The following STK3 variants were observed in gnomAD, a reference collection of about 807,000 sequenced individuals.
The protein encoded by STK3 is serine/threonine kinase 3.
STK3 carries 41 observed loss-of-function variants against 58.0 expected under a neutral mutation model. The observed-to-expected ratio is 0.71, with a 90% CI of 0.55 to 0.92. The LOEUF (loss-of-function observed/expected upper bound fraction) is 0.92, where lower values mean the gene tolerates loss of function less well. Among genes scored for constraint, STK3 ranks in the 40% least tolerant of loss-of-function variants. The pLI is 0.00. For synonymous variants in STK3, 170 were observed against 191.0 expected (o/e 0.89, Z 0.91); for missense variants, 479 against 602.7 (o/e 0.79, Z 2.15).
intron 6 of STK3, 64 bp from the exon 7 acceptor site, chr8:98,596,233 C>T: frequency 6.7e-7 from 1 of 1,498,356 alleles, no homozygotes; most frequent in Non-Finnish European, 9.0e-7. Flanking sequence ...ATAAACAAAT[C>T]TCTTTATCTG....
downstream of STK3, among the ~76,000 whole-genome samples, chr8:98,451,131 TG>T (rs961088892): frequency 3.9e-5 from 6 of 152,264 alleles, no homozygotes; most frequent in Middle Eastern, 3.4e-3. Context: ...TTATTATTGT[TG>T]TTATGGTGAT....
At chr8:98,358,913 C>A in the STK3 span, among the ~76,000 whole-genome samples, 206 of 152,190 alleles carry the variant, frequency 1.4e-3, no homozygotes, top group Non-Finnish European at 1.8e-3. Context: ...AAAGCAGAGC[C>A]ACCCCTGAGC....
intron 1 of STK3, among the ~76,000 whole-genome samples, chr8:98,928,707 G>C (rs1036153161): frequency 2.0e-5 from 3 of 152,148 alleles, no homozygotes; most frequent in Admixed American, 1.3e-4. Flanking sequence ...GCTTTCCAAA[G>C]ATTCTACAAT....
At chr8:98,633,446 ATTAT>A (rs1819401887) in intron 6 of STK3, 1 of 514,170 alleles carries the variant, frequency 1.9e-6, no homozygotes, top group African/African-American at 1.9e-5. Flanking sequence ...GAGACTGCAG[ATTAT>A]TAAATCAGTT....
At chr8:98,365,725 T>C in the STK3 span, among the ~76,000 whole-genome samples, 1 of 152,164 alleles carries the variant, frequency 6.6e-6, no homozygotes, top group Admixed American at 6.5e-5. Context: ...AATGTATTGA[T>C]AAACAATATA....
At chr8:98,888,760 T>C (rs1838087261) in intron 1 of STK3, among the ~76,000 whole-genome samples, 1 of 152,222 alleles carries the variant, frequency 6.6e-6, no homozygotes, top group African/African-American at 2.4e-5. Context: ...CAGTCTGTGT[T>C]AGATAGAACC....
At chr8:98,703,753 A>G (rs567787870) in intron 6 of STK3, among the ~76,000 whole-genome samples, 13 of 152,278 alleles carry the variant, frequency 8.5e-5, no homozygotes, top group African/African-American at 3.1e-4. Context: ...GCCATAATGC[A>G]TTCTACTGCA....
At chr8:98,744,623 C>T (rs927107994) in intron 4 of STK3, among the ~76,000 whole-genome samples, 1 of 149,724 alleles carries the variant, frequency 6.7e-6, no homozygotes, top group African/African-American at 2.5e-5. Flanking sequence ...AGGAGATATA[C>T]CTAATGCTAA....
intron 4 of STK3, among the ~76,000 whole-genome samples, chr8:98,739,110 C>A (rs879912318): frequency 1.4e-4 from 21 of 152,234 alleles, no homozygotes; most frequent in Non-Finnish European, 2.8e-4. Flanking sequence ...GGGTGGAGCC[C>A]ACCACAGCTC....
At chr8:98,509,057 T>C (rs1824303310) in intron 10 of STK3, among the ~76,000 whole-genome samples, 1 of 152,060 alleles carries the variant, frequency 6.6e-6, no homozygotes, top group Non-Finnish European at 1.5e-5. Flanking sequence ...TCCCCAACCA[T>C]CTTTTTTTTT....
intron 9 of STK3, among the ~76,000 whole-genome samples, chr8:98,539,792 C>T (rs779994952): frequency 6.6e-6 from 1 of 152,094 alleles, no homozygotes; most frequent in Non-Finnish European, 1.5e-5. Flanking sequence ...CTTGCTCTGT[C>T]GCCCAGGCTG....
chr8:98,709,953 C>T (rs764602125), intron 4 of STK3, among the ~76,000 whole-genome samples: 3 of 151,612 alleles, frequency 2.0e-5, no homozygotes, highest in Non-Finnish European at 4.4e-5. Context: ...ATGGCAAAAA[C>T]CGAAATTACT....
At chr8:98,546,798 GA>G (rs2131579403) in intron 9 of STK3, among the ~76,000 whole-genome samples, 1 of 152,240 alleles carries the variant, frequency 6.6e-6, no homozygotes, top group African/African-American at 2.4e-5. Context: ...GCAGGAGATA[GA>G]AAATTCATAC....
At chr8:98,447,247 G>C (rs568979784) in intron 1 of STK3, among the ~76,000 whole-genome samples, 2 of 151,724 alleles carry the variant, frequency 1.3e-5, no homozygotes, top group South Asian at 4.2e-4. Flanking sequence ...TAAAATAGAA[G>C]GTTAAAAAAA....
chr8:98,370,349 G>GTGTA (rs1817599230), downstream of STK3, among the ~76,000 whole-genome samples: 1 of 147,838 alleles, frequency 6.8e-6, no homozygotes, highest in Non-Finnish European at 1.5e-5. Context: ...TGCAGTGTGT[G>GTGTA]TGTGTGTGTG....
intron 6 of STK3, among the ~76,000 whole-genome samples, chr8:98,659,066 C>A (rs562660108): frequency 6.6e-6 from 1 of 152,042 alleles, no homozygotes; most frequent in East Asian, 1.9e-4. Flanking sequence ...ATACCATATA[C>A]CCTAGGTGTA....
chr8:98,569,861 GGAATGA>G (rs567509615), intron 8 of STK3, among the ~76,000 whole-genome samples: 49 of 150,048 alleles, frequency 3.3e-4, no homozygotes, highest in African/African-American at 1.0e-3. Context: ...ACCATGTAAA[GGAATGA>G]GAATAAGTAA....
chr8:98,538,866 C>T (rs1033543863), intron 9 of STK3, among the ~76,000 whole-genome samples: 1 of 152,192 alleles, frequency 6.6e-6, no homozygotes, highest in Non-Finnish European at 1.5e-5. Context: ...TCAGTGCCCA[C>T]AGGGAACTCC....
chr8:98,938,787 T>G (rs769790216), intron 1 of STK3, among the ~76,000 whole-genome samples: 1 of 152,108 alleles, frequency 6.6e-6, no homozygotes, highest in Non-Finnish European at 1.5e-5. Context: ...TGTGTCAAGA[T>G]GTGTGTGGAA....
Sources: allele counts gnomAD v4.1 joint callset (sites outside exome capture counted in the v4.1 genomes callset), GRCh38; gene constraint gnomAD v4.1.1; transcripts MANE v1.5; gene names NCBI Gene and HGNC (gene_info 2026-07-23, HGNC 2026-07-21).